The following ADAMTSL1 variants were observed in gnomAD, a reference collection of about 807,000 sequenced individuals.
ADAMTSL1 encodes ADAMTS-like protein 1.
In ADAMTSL1, 126 loss-of-function variants were observed where a neutral mutation model predicts 201.8. That is an observed-to-expected ratio of 0.62 (90% CI 0.54 to 0.72). The LOEUF is 0.72. Ranked by LOEUF, ADAMTSL1 falls within the 30% of genes least tolerant of loss-of-function variation. The probability of loss-of-function intolerance (pLI) is 0.00; values close to 1 mark genes in which losing one functional copy is unlikely to be tolerated. For missense variants in ADAMTSL1, 2,679 were observed against 2,277.8 expected (o/e 1.18, Z -3.59); for synonymous variants, 1,121 against 903.4 (o/e 1.24, Z -4.32).
At chr9:18,018,058 G>T (rs1427927037) in intron 1 of ADAMTSL1, among the ~76,000 whole-genome samples, 2 of 151,980 alleles carry the variant, frequency 1.3e-5, no homozygotes, top group South Asian at 4.1e-4. Context: ...CTAAGACTGG[G>T]TTTTACATTT....
chr9:18,454,145 A>C (rs1820517344), intron 2 of ADAMTSL1, among the ~76,000 whole-genome samples: 1 of 152,144 alleles, frequency 6.6e-6, no homozygotes, highest in Non-Finnish European at 1.5e-5. Flanking sequence ...CTAAGTCTGA[A>C]AGCCTCAGAA....
chr9:18,074,579 C>CT (rs1313125577), intron 1 of ADAMTSL1, among the ~76,000 whole-genome samples: 27 of 59,438 alleles, frequency 4.5e-4, no homozygotes, highest in African/African-American at 1.7e-3. Flanking sequence ...TTTCTTCTTT[C>CT]TTTTTTTGTT....
intron 3 of ADAMTSL1, among the ~76,000 whole-genome samples, chr9:18,545,556 T>C (rs1416488950): frequency 6.6e-6 from 1 of 152,192 alleles, no homozygotes; most frequent in African/African-American, 2.4e-5. Context: ...ATTTTTAATG[T>C]GCAAATTAAA....
intron 15 of ADAMTSL1, among the ~76,000 whole-genome samples, chr9:18,726,373 T>C (rs1817894717): frequency 6.6e-6 from 1 of 151,738 alleles, no homozygotes; most frequent in Admixed American, 6.6e-5. Flanking sequence ...TGTGTGTTGG[T>C]TGAGGGGGGT....
intron 26 of ADAMTSL1, among the ~76,000 whole-genome samples, chr9:18,895,926 A>C (rs1829607683): frequency 6.6e-6 from 1 of 152,246 alleles, no homozygotes; most frequent in Admixed American, 6.5e-5. Flanking sequence ...AACTATCTTA[A>C]ATATGCTAAA....
chr9:18,015,756 T>C (rs1371138789), intron 1 of ADAMTSL1, among the ~76,000 whole-genome samples: 1 of 151,988 alleles, frequency 6.6e-6, no homozygotes, highest in African/African-American at 2.4e-5. Context: ...AGGCTGCTCA[T>C]TGGAAACACC....
intron 1 of ADAMTSL1, among the ~76,000 whole-genome samples, chr9:17,915,780 A>G (rs185459258): frequency 1.1e-4 from 17 of 152,262 alleles, no homozygotes; most frequent in East Asian, 1.9e-4. Context: ...TTAATTTGCA[A>G]TTCTCTAATG....
chr9:18,910,706 C>G lies in ADAMTSL1; in HGVS notation c.*2158C>G, dbSNP rs1830552657. The G allele has an allele frequency of 6.6e-6, 1 of 152,180 alleles. No individual in the cohort carries two copies. Among genetic ancestry groups the G allele is most frequent in the East Asian group, 1.9e-4 (1 of 5,200 alleles). The allele number at this position is 152,180 out of a possible 1,614,324, so 9.4% of individuals were successfully genotyped here. On this transcript the variant is annotated 3_prime_UTR_variant, in exon 29 of 29. Coordinates refer to ENST00000380548, the MANE Select transcript of ADAMTSL1 (RefSeq NM_001040272.6). Reference sequence around the variant, plus strand: ...CCTAAAGAGCAAGCATCCTCCAGCTCCATGTTGGGTTGGAGCAGTTGGCAG... The same window carrying G: ...CCTAAAGAGCAAGCATCCTCCAGCTGCATGTTGGGTTGGAGCAGTTGGCAG...
chr9:18,232,699 C>A (rs1045352227), intron 2 of ADAMTSL1, among the ~76,000 whole-genome samples: 2 of 152,098 alleles, frequency 1.3e-5, no homozygotes, highest in East Asian at 1.9e-4. Flanking sequence ...ATCATTCTGA[C>A]AAATAGTAAA....
intron 19 of ADAMTSL1, among the ~76,000 whole-genome samples, chr9:18,784,898 G>A (rs1821611933): frequency 6.6e-6 from 1 of 152,160 alleles, no homozygotes; most frequent in African/African-American, 2.4e-5. Context: ...AGGCGCGGTG[G>A]CTCACGCCTG....
At chr9:18,900,590 A>C (rs895892518) in intron 26 of ADAMTSL1, among the ~76,000 whole-genome samples, 11 of 152,358 alleles carry the variant, frequency 7.2e-5, no homozygotes, top group African/African-American at 2.4e-4. Context: ...AATACTATGC[A>C]GCCATAAAAA....
At chr9:18,098,371 C>T (rs537516429) in intron 1 of ADAMTSL1, among the ~76,000 whole-genome samples, 91 of 152,158 alleles carry the variant, frequency 6.0e-4, no homozygotes, top group African/African-American at 1.9e-3. Flanking sequence ...TCTTCTAATT[C>T]GTGGACATGA....
At chr9:18,099,355 A>ATATATATATATATATATATATATATTTT (rs1239180390) in intron 1 of ADAMTSL1, among the ~76,000 whole-genome samples, 1 of 45,544 alleles carries the variant, frequency 2.2e-5, no homozygotes, top group African/African-American at 8.1e-5. Context: ...ATATATATAT[A>ATATATATATATATATATATATATATTTT]TTTTTTTTTT....
intron 1 of ADAMTSL1, among the ~76,000 whole-genome samples, chr9:18,063,955 G>C (rs1443132243): frequency 4.6e-5 from 7 of 152,172 alleles, no homozygotes; most frequent in South Asian, 2.1e-4. Context: ...AACAACCACA[G>C]GACTCACATT....
At chr9:18,859,418 C>G (rs1283738515) in intron 23 of ADAMTSL1, among the ~76,000 whole-genome samples, 3 of 152,168 alleles carry the variant, frequency 2.0e-5, no homozygotes, top group Non-Finnish European at 2.9e-5. Context: ...CGAGGATAAT[C>G]CCCCATCTCA....
chr9:18,855,533 C>T (rs567459388), intron 23 of ADAMTSL1, among the ~76,000 whole-genome samples: 1 of 152,124 alleles, frequency 6.6e-6, no homozygotes, highest in Non-Finnish European at 1.5e-5. Flanking sequence ...TAATTGTATT[C>T]GTGTTCTAGA....
At chr9:17,958,318 G>A (rs975658326) in intron 1 of ADAMTSL1, among the ~76,000 whole-genome samples, 2 of 152,128 alleles carry the variant, frequency 1.3e-5, no homozygotes, top group Admixed American at 1.3e-4. Flanking sequence ...CTTTCCACTA[G>A]ACACTGAGAT....
intron 2 of ADAMTSL1, among the ~76,000 whole-genome samples, chr9:18,298,118 G>A (rs975097883): frequency 3.9e-5 from 6 of 152,076 alleles, no homozygotes; most frequent in Admixed American, 1.3e-4. Context: ...ACGTATTCCC[G>A]GAAAAGTAAA....
chr9:17,928,465 C>A lies in ADAMTSL1; in HGVS notation c.87+21543C>A, dbSNP rs144289087. Among the ~76,000 whole-genome samples the A allele has an allele frequency of 4.7e-4, 71 of 152,316 alleles. 2 individuals carry two copies. The highest frequency in any genetic ancestry group is 6.8e-3 in the Middle Eastern group (2 of 294). ...AACCTGAGCAATACTCCTCTGACTTCTTCCACCTTTAGCCAAATCAACAGA... is the reference window on the plus strand; with the variant it reads ...AACCTGAGCAATACTCCTCTGACTTATTCCACCTTTAGCCAAATCAACAGA... On this transcript the variant is annotated intron_variant, in intron 1 of 29. Coordinates refer to the ADAMTSL1 transcript ENST00000680146.
Sources: allele counts gnomAD v4.1 joint callset (sites outside exome capture counted in the v4.1 genomes callset), GRCh38; gene constraint gnomAD v4.1.1; transcripts MANE v1.5; gene names NCBI Gene and HGNC (gene_info 2026-07-23, HGNC 2026-07-21).